The following SSBP2 variants were observed in gnomAD, a reference collection of about 807,000 sequenced individuals.
SSBP2 encodes single-stranded DNA-binding protein 2.
Under a neutral mutation model 61.8 loss-of-function variants are expected in SSBP2, and 17 were observed. The ratio of observed to expected loss-of-function variants is 0.28; its 90% CI spans 0.19 to 0.41. SSBP2 has a LOEUF of 0.41. SSBP2 is among the 10% of genes least tolerant of loss of function. The pLI is 1.00. For missense variants in SSBP2, 310 were observed against 458.7 expected, an observed-to-expected ratio of 0.68 and a Z score of 2.96; for synonymous variants, 139 against 141.3, an observed-to-expected ratio of 0.98 and a Z score of 0.12.
intron 4 of SSBP2, among the ~76,000 whole-genome samples, chr5:81,611,493 T>C (rs1317211237): frequency 1.3e-5 from 2 of 152,288 alleles, no homozygotes; most frequent in East Asian, 1.9e-4. Context: ...ACATCTCCCA[T>C]AGTAAGTTAT....
At chr5:81,527,742 G>A (rs1770060717) in intron 4 of SSBP2, among the ~76,000 whole-genome samples, 1 of 151,704 alleles carries the variant, frequency 6.6e-6, no homozygotes, top group Non-Finnish European at 1.5e-5. Context: ...GTCAGAGGGT[G>A]GGGGACAAGG....
At chr5:81,563,419 G>GA (rs905054373) in intron 4 of SSBP2, among the ~76,000 whole-genome samples, 1 of 152,066 alleles carries the variant, frequency 6.6e-6, no homozygotes, top group African/African-American at 2.4e-5. Flanking sequence ...GAATACATAG[G>GA]AAAAAATATC....
intron 1 of SSBP2, among the ~76,000 whole-genome samples, chr5:81,730,168 C>T (rs1374837498): frequency 6.6e-6 from 1 of 152,102 alleles, no homozygotes; most frequent in South Asian, 2.1e-4. Flanking sequence ...GTACTTTTTA[C>T]TCTATTTTTA....
chr5:81,707,097 A>G (rs753453189), intron 1 of SSBP2, among the ~76,000 whole-genome samples: 1 of 152,162 alleles, frequency 6.6e-6, no homozygotes, highest in Non-Finnish European at 1.5e-5. Context: ...AATGCCTTTC[A>G]TGGGTATTAA....
At chr5:81,597,276 C>T (rs1364395247) in intron 4 of SSBP2, among the ~76,000 whole-genome samples, 1 of 152,166 alleles carries the variant, frequency 6.6e-6, no homozygotes, top group African/African-American at 2.4e-5. Context: ...TCATCACTGG[C>T]CATCAGAGAA....
intron 1 of SSBP2, among the ~76,000 whole-genome samples, chr5:81,682,282 T>G (rs1752445118): frequency 6.6e-6 from 1 of 152,114 alleles, no homozygotes; most frequent in Admixed American, 6.6e-5. Flanking sequence ...TGAACACAGA[T>G]GCAAAAATCC....
At chr5:81,743,527 C>T (rs982064128) in intron 1 of SSBP2, among the ~76,000 whole-genome samples, 2 of 152,182 alleles carry the variant, frequency 1.3e-5, no homozygotes, top group Non-Finnish European at 2.9e-5. Flanking sequence ...TTCAAAGTCT[C>T]ATGAAAGCAG....
At chr5:81,722,721 C>T (rs747469138) in intron 1 of SSBP2, among the ~76,000 whole-genome samples, 1 of 151,910 alleles carries the variant, frequency 6.6e-6, no homozygotes, top group African/African-American at 2.4e-5. Context: ...GTATAAAGTA[C>T]ACCAGTGTAA....
intron 5 of SSBP2, among the ~76,000 whole-genome samples, chr5:81,502,512 G>GTGAC (rs1312762354): frequency 6.6e-6 from 1 of 152,094 alleles, no homozygotes; most frequent in Non-Finnish European, 1.5e-5. Flanking sequence ...CCATATGCTA[G>GTGAC]TGACTCTCAG....
At chr5:81,542,920 T>C (rs1235546389) in intron 4 of SSBP2, among the ~76,000 whole-genome samples, 1 of 151,414 alleles carries the variant, frequency 6.6e-6, no homozygotes, top group East Asian at 2.0e-4. Context: ...ACTGGCACAA[T>C]CTCGACTCAC....
intron 4 of SSBP2, among the ~76,000 whole-genome samples, chr5:81,586,429 T>C (rs1470113049): frequency 2.0e-5 from 3 of 152,166 alleles, no homozygotes; most frequent in African/African-American, 4.8e-5. Flanking sequence ...AGAAACACTA[T>C]TTGAAGTGAA....
chr5:81,678,358 C>T (rs1409947774), intron 1 of SSBP2, among the ~76,000 whole-genome samples: 1 of 113,054 alleles, frequency 8.8e-6, no homozygotes, highest in Non-Finnish European at 1.8e-5. Context: ...ACAGTCCCAA[C>T]TGAAAAGCAG....
At chr5:81,557,772 TTAAAG>T (rs1474965974) in intron 4 of SSBP2, among the ~76,000 whole-genome samples, 1 of 152,202 alleles carries the variant, frequency 6.6e-6, no homozygotes, top group African/African-American at 2.4e-5. Context: ...AACAAGTGTT[TTAAAG>T]TATTTTCTAG....
At chr5:81,488,520 T>C (rs1257295883) in intron 6 of SSBP2, among the ~76,000 whole-genome samples, 3 of 152,134 alleles carry the variant, frequency 2.0e-5, no homozygotes, top group African/African-American at 7.2e-5. Context: ...CATTTTTATA[T>C]CTTCTTTGGA....
intron 1 of SSBP2, among the ~76,000 whole-genome samples, chr5:81,676,876 G>A (rs1752027356): frequency 6.6e-6 from 1 of 151,906 alleles, no homozygotes; most frequent in African/African-American, 2.4e-5. Flanking sequence ...GAAAGGAAGG[G>A]AAGAAAGGGA....
chr5:81,462,354 T>C (rs1201733943), intron 9 of SSBP2, among the ~76,000 whole-genome samples: 2 of 152,174 alleles, frequency 1.3e-5, no homozygotes, highest in African/African-American at 4.8e-5. Context: ...CATGTTTGCA[T>C]GGAATATTTA....
At chr5:81,558,876 C>G (rs891591156) in intron 4 of SSBP2, among the ~76,000 whole-genome samples, 6 of 152,222 alleles carry the variant, frequency 3.9e-5, no homozygotes, top group Admixed American at 6.5e-5. Context: ...AACATCTGAT[C>G]TCTTAAACAG....
At chr5:81,563,524 T>C (rs908970407) in intron 4 of SSBP2, among the ~76,000 whole-genome samples, 3 of 152,160 alleles carry the variant, frequency 2.0e-5, no homozygotes, top group African/African-American at 7.2e-5. Flanking sequence ...TTCTGCTCTT[T>C]AAAGGACACT....
intron 14 of SSBP2, among the ~76,000 whole-genome samples, chr5:81,438,257 G>A (rs1158290268): frequency 4.6e-5 from 7 of 151,538 alleles, no homozygotes; most frequent in African/African-American, 7.3e-5. Flanking sequence ...AGGCTGAGGC[G>A]GGAAATTCAC....
Sources: allele counts gnomAD v4.1 joint callset (sites outside exome capture counted in the v4.1 genomes callset), GRCh38; gene constraint gnomAD v4.1.1; transcripts MANE v1.5; gene names NCBI Gene and HGNC (gene_info 2026-07-23, HGNC 2026-07-21).